Variants in TBX18 observed in about 807,000 individuals in gnomAD.
The protein encoded by TBX18 is T-box transcription factor 18, also known as T-box transcription factor TBX18.
A neutral mutation model predicts 55.0 loss-of-function variants in TBX18; 21 were observed. The ratio of observed to expected loss-of-function variants is 0.38; its 90% confidence interval spans 0.27 to 0.55. The LOEUF (loss-of-function observed/expected upper bound fraction) is 0.55. TBX18 is among the 20% of genes least tolerant of loss of function. The pLI is 0.73. For synonymous variants in TBX18, 342 were observed against 326.1 expected (o/e 1.05, Z -0.53); for missense variants, 840 against 799.6 (o/e 1.05, Z -0.61).
intron 4 of TBX18, 118 bp downstream of exon 4, chr6:84,756,580 A>G (rs1189832610): frequency 4.1e-6 from 4 of 981,106 alleles, no homozygotes; most frequent in African/African-American, 1.6e-5. Context: ...GACAGTGTAC[A>G]TACTAATCAA....
In TBX18 at chr6:84,762,567, C is replaced by T. The variant is rs1305189246; in HGVS notation, c.474G>A (p.Glu158=). ...LWKRFHEIGT[E]MIITKAGRRM... ...ACCTGCCGGCCTTGGTGATGATCAT[C>T]TCAGTGCCTATCTCATGAAAGCGCT... The change falls in exon 2 of 8, where the codon GAG becomes GAA. Residue 158 remains glutamate, a synonymous_variant. Transcript: ENST00000369663. 11 of 1,614,062 alleles carry T rather than the reference C, an allele frequency of 6.8e-6. No homozygotes were observed. The highest frequency in any genetic ancestry group is 9.3e-6 in the Non-Finnish European group (11 of 1,180,024).
At chr6:84,745,143 G>T (rs1767148969) in intron 5 of TBX18, among the ~76,000 whole-genome samples, 1 of 152,076 alleles carries the variant, frequency 6.6e-6, no homozygotes, top group South Asian at 2.1e-4. Flanking sequence ...GTTTTAACAA[G>T]AATTCTAATT....
intron 6 of TBX18, among the ~76,000 whole-genome samples, chr6:84,739,943 C>G (rs1767005082): frequency 6.6e-6 from 1 of 152,190 alleles, no homozygotes; most frequent in Admixed American, 6.5e-5. Context: ...GAGGAATACG[C>G]CTACCCCATC....
At chr6:84,743,248 T>C (rs1296664014) in intron 6 of TBX18, among the ~76,000 whole-genome samples, 2 of 152,204 alleles carry the variant, frequency 1.3e-5, no homozygotes, top group African/African-American at 2.4e-5. Context: ...ATGATGCCAC[T>C]GCATATAACA....
At position 84,764,510 on chromosome 6, in the gene TBX18, G is replaced by A. The variant is rs1408654395; in HGVS notation, c.-329C>T. 9.8e-6 allele frequency: 3 copies of A among 307,570 alleles called. No individual in the cohort carries two copies. The highest frequency in any genetic ancestry group is 1.8e-5 in the Non-Finnish European group (3 of 168,986). The allele number at this position is 307,570 out of a possible 1,614,324, so 19.1% of individuals were successfully genotyped here. On this transcript the variant is annotated 5_prime_UTR_variant, in exon 1 of 8. Transcript: ENST00000369663. Reference sequence around the variant, plus strand: ...CTGATGCGCCAGAGAGGACTAACATGGGTAAAAAACACTCTGTGGACACAA... The same window carrying A: ...CTGATGCGCCAGAGAGGACTAACATAGGTAAAAAACACTCTGTGGACACAA...
chr6:84,755,684 A>G (rs963874007), intron 4 of TBX18, among the ~76,000 whole-genome samples: 4 of 152,186 alleles, frequency 2.6e-5, no homozygotes, highest in Admixed American at 2.0e-4. Context: ...AAACAAAAAC[A>G]CTGGCGGTGT....
intron 4 of TBX18, among the ~76,000 whole-genome samples, chr6:84,749,439 A>G (rs1335485956): frequency 6.6e-6 from 1 of 152,144 alleles, no homozygotes; most frequent in African/African-American, 2.4e-5. Context: ...TGCTGCCACA[A>G]GAAGATTCTT....
chr6:84,738,069 G>A (rs1428545765), intron 7 of TBX18, among the ~76,000 whole-genome samples: 1 of 152,138 alleles, frequency 6.6e-6, no homozygotes, highest in Non-Finnish European at 1.5e-5. Flanking sequence ...GCCCAGGAGG[G>A]TCTGCCTGAA....
At chr6:84,748,194 C>A in intron 4 of TBX18, 107 bp from the exon 5 acceptor site, 1 of 837,452 alleles carries the variant, frequency 1.2e-6, no homozygotes, top group Non-Finnish European at 1.7e-6. Flanking sequence ...AAATCATTTC[C>A]AAGGATGCAG....
chr6:84,736,621 C>T lies in TBX18; in HGVS notation c.*64G>A, dbSNP rs1773950574. On this transcript the variant is annotated 3_prime_UTR_variant, in exon 8 of 8. Coordinates refer to ENST00000369663, the MANE Select transcript of TBX18 (RefSeq NM_001080508.3). Reference sequence around the variant, plus strand: ...CCACAGAGAGTTTCTTTCCACATAGCTTTTAAAAAAGAAAAAGAAAATATG... The same window carrying T: ...CCACAGAGAGTTTCTTTCCACATAGTTTTTAAAAAAGAAAAAGAAAATATG... The T allele has an allele frequency of 1.4e-6, 2 of 1,457,082 alleles. No homozygotes were observed. The highest frequency in any genetic ancestry group is 2.9e-5 in the African/African-American group (2 of 69,684). The allele number at this position is 1,457,082 out of a possible 1,614,324, so 90.3% of individuals were successfully genotyped here.
In TBX18 at chr6:84,747,905, T is replaced by A; in HGVS notation, c.939+15A>T. On this transcript the variant is annotated intron_variant, in intron 5 of 7. Transcript: ENST00000369663. ...AATGAAAAATCTACAAAGATTCCAA[T>A]TCTGAGAACAATACCTGCTGATTCT... 6.3e-7 allele frequency: 1 copy of A among 1,599,942 alleles called. No homozygotes were observed. The highest frequency in any genetic ancestry group is 2.2e-5 in the East Asian group (1 of 44,620).
In TBX18 at chr6:84,735,711, GA is replaced by G. The variant is rs1207239091; in HGVS notation, c.*973del. On this transcript the variant is annotated 3_prime_UTR_variant, in exon 8 of 8. Coordinates refer to ENST00000369663, the MANE Select transcript of TBX18 (RefSeq NM_001080508.3). The stretch of plus-strand genomic sequence containing the variant: ...CGGTCAGGAAGCTCAGAGCAAGATG[GA>G]AAAAATATTCTAAATTTAAAAACAA... 1 of 151,958 alleles carries G rather than the reference GA, an allele frequency of 6.6e-6. No homozygotes were observed. The highest frequency in any genetic ancestry group is 1.5e-5 in the Non-Finnish European group (1 of 67,982). 9.4% of individuals were successfully genotyped at this position (151,958 alleles called of 1,614,324 possible).
At chr6:84,737,507 G>T (rs1766913786) in intron 7 of TBX18, 98 bp from the exon 8 acceptor site, 3 of 1,345,704 alleles carry the variant, frequency 2.2e-6, no homozygotes, top group African/African-American at 1.5e-5. Context: ...CAAGGCAAGG[G>T]TTGGAGGAAT....
Position 84,756,822 on chromosome 6 carries a change from G to C in TBX18, c.647C>G (p.Ser216Trp). 1 of 1,614,088 alleles carries C rather than the reference G, an allele frequency of 6.2e-7. No homozygotes were observed. The highest frequency in any genetic ancestry group is 1.7e-5 in the Admixed American group (1 of 60,004). Reference protein sequence around the residue: ...SKWMVAGNADSPVPPRVYIHP... With the variant: ...SKWMVAGNADWPVPPRVYIHP... ...AATGTACACACGGGGTGGCACAGGC[G>C]AGTCAGCATTACCTGCCACCATCCA... Residue 216 changes from serine to tryptophan, a missense_variant, in exon 4 of 8, where the codon TCG (serine) becomes TGG (tryptophan). Transcript: ENST00000369663.
chr6:84,759,510 TA>T (rs970236180), intron 3 of TBX18, among the ~76,000 whole-genome samples: 4 of 151,588 alleles, frequency 2.6e-5, no homozygotes, highest in Non-Finnish European at 4.4e-5. Flanking sequence ...CAGAAAAATA[TA>T]AAGCATTGTC....
At chr6:84,748,188 C>G in intron 4 of TBX18, 101 bp from the exon 5 acceptor site, 2 of 888,468 alleles carry the variant, frequency 2.3e-6, no homozygotes, top group Non-Finnish European at 3.3e-6. Context: ...GATTGGAAAT[C>G]ATTTCCAAGG....
intron 6 of TBX18, among the ~76,000 whole-genome samples, chr6:84,740,886 T>C (rs1235460782): frequency 1.3e-5 from 2 of 152,210 alleles, no homozygotes; most frequent in Non-Finnish European, 2.9e-5. Context: ...CAGAGATGTA[T>C]CTTACTGCAT....
intron 6 of TBX18, among the ~76,000 whole-genome samples, chr6:84,743,905 G>T (rs533851004): frequency 7.9e-5 from 12 of 152,246 alleles, no homozygotes; most frequent in Middle Eastern, 6.8e-3. Context: ...ATAGATAGTC[G>T]CATCATCACT....
intron 5 of TBX18, among the ~76,000 whole-genome samples, chr6:84,745,764 C>T (rs1306388706): frequency 1.3e-5 from 2 of 151,978 alleles, no homozygotes; most frequent in African/African-American, 4.8e-5. Flanking sequence ...ATAATGGTGC[C>T]TTGTTAAAAC....
Sources: allele counts gnomAD v4.1 joint callset (sites outside exome capture counted in the v4.1 genomes callset), GRCh38; gene constraint gnomAD v4.1.1; transcripts MANE v1.5; gene names NCBI Gene and HGNC (gene_info 2026-07-23, HGNC 2026-07-21).